NEGR1: variants seen among roughly 807,000 people sequenced by gnomAD.
The protein encoded by NEGR1 is neuronal growth regulator 1, also known as IgLON family member 4.
A neutral mutation model predicts 40.9 loss-of-function variants in NEGR1; 10 were observed. The ratio of observed to expected loss-of-function variants is 0.24; its 90% CI spans 0.15 to 0.42. NEGR1 has a LOEUF of 0.42. Among genes scored for constraint, NEGR1 ranks in the 10% least tolerant of loss-of-function variants. NEGR1 has a pLI of 1.00. For missense variants in NEGR1, 352 were observed against 438.9 expected, an observed-to-expected ratio of 0.80 and a Z score of 1.77; for synonymous variants, 185 against 166.8, an observed-to-expected ratio of 1.11 and a Z score of -0.84.
intron 1 of NEGR1, among the ~76,000 whole-genome samples, chr1:72,233,713 A>C (rs1161308586): frequency 1.3e-5 from 2 of 152,064 alleles, no homozygotes; most frequent in African/African-American, 2.4e-5. Context: ...ACCTAGGTTG[A>C]TTTTGTGTCT....
intron 3 of NEGR1, among the ~76,000 whole-genome samples, chr1:71,759,210 T>G (rs72946011): frequency 1.3e-5 from 2 of 151,628 alleles, no homozygotes; most frequent in African/African-American, 4.8e-5. Context: ...GGAATTTCCA[T>G]CTGTAGAATC....
intron 1 of NEGR1, among the ~76,000 whole-genome samples, chr1:72,167,795 A>G (rs182750867): frequency 4.3e-4 from 66 of 152,082 alleles, no homozygotes; most frequent in Non-Finnish European, 1.9e-4. Flanking sequence ...CTTCTGTAAA[A>G]TGTTAAGGAT....
At chr1:71,752,611 T>C (rs1250155734) in intron 3 of NEGR1, among the ~76,000 whole-genome samples, 3 of 152,160 alleles carry the variant, frequency 2.0e-5, no homozygotes, top group Non-Finnish European at 2.9e-5. Flanking sequence ...TGAGAGCAGA[T>C]GGCAAAATTT....
chr1:71,809,980 G>A (rs897604048), intron 2 of NEGR1, among the ~76,000 whole-genome samples: 2 of 152,124 alleles, frequency 1.3e-5, no homozygotes, highest in African/African-American at 4.8e-5. Context: ...TCTCTTAAAA[G>A]ATTTTCAAAA....
At chr1:71,944,531 C>A (rs888824240) in intron 1 of NEGR1, among the ~76,000 whole-genome samples, 5 of 152,084 alleles carry the variant, frequency 3.3e-5, no homozygotes, top group East Asian at 1.9e-4. Context: ...TAAAAGTATT[C>A]TATTTGCATA....
intron 6 of NEGR1, among the ~76,000 whole-genome samples, chr1:71,483,652 C>T (rs1282839521): frequency 1.3e-5 from 2 of 151,620 alleles, no homozygotes; most frequent in African/African-American, 4.8e-5. Context: ...GCCAGGTGTG[C>T]CCTAATGAGA....
In NEGR1 at chr1:71,840,010, A is replaced by G. The variant is rs914806429; in HGVS notation, c.410-63713T>C. ...AGCTGCAGGTGACGATGTAAAATAG[A>G]TACCAAACAATAATGTAATAAGGCT... On this transcript the variant is annotated intron_variant, in intron 2 of 6. Coordinates refer to ENST00000357731, the MANE Select transcript of NEGR1 (RefSeq NM_173808.3). Among the ~76,000 whole-genome samples, 112 of 152,172 alleles carry G rather than the reference A, an allele frequency of 7.4e-4. 1 individual carries two copies. Among genetic ancestry groups the G allele is most frequent in the African/African-American group, 2.7e-3 (111 of 41,452 alleles).
At chr1:71,810,744 C>T (rs1657972149) in intron 2 of NEGR1, among the ~76,000 whole-genome samples, 1 of 151,992 alleles carries the variant, frequency 6.6e-6, no homozygotes, top group African/African-American at 2.4e-5. Flanking sequence ...GCTCCTCTCC[C>T]TTCTCTCTCT....
At chr1:71,726,600 C>A (rs1430139583) in intron 3 of NEGR1, among the ~76,000 whole-genome samples, 1 of 151,948 alleles carries the variant, frequency 6.6e-6, no homozygotes, top group East Asian at 1.9e-4. Context: ...AAGATAGATC[C>A]CACATCACCA....
chr1:71,553,468 A>G (rs1648151715), intron 6 of NEGR1, among the ~76,000 whole-genome samples: 1 of 151,528 alleles, frequency 6.6e-6, no homozygotes, highest in Non-Finnish European at 1.5e-5. Context: ...TTTCATTTTA[A>G]TGAACACTCT....
chr1:71,854,972 G>A (rs1659716893), intron 2 of NEGR1, among the ~76,000 whole-genome samples: 1 of 152,018 alleles, frequency 6.6e-6, no homozygotes, highest in East Asian at 1.9e-4. Context: ...CAAGACTCAA[G>A]CAATTGTGGG....
At chr1:72,150,086 T>C (rs903145132) in intron 1 of NEGR1, among the ~76,000 whole-genome samples, 1 of 152,124 alleles carries the variant, frequency 6.6e-6, no homozygotes, top group Non-Finnish European at 1.5e-5. Flanking sequence ...ATTTGCCTAG[T>C]AGCAATTCAT....
intron 2 of NEGR1, among the ~76,000 whole-genome samples, chr1:71,795,199 T>C (rs1422486378): frequency 6.6e-6 from 1 of 151,972 alleles, no homozygotes; most frequent in Non-Finnish European, 1.5e-5. Context: ...ATTTCATTTC[T>C]AAGTATTTGA....
intron 2 of NEGR1, among the ~76,000 whole-genome samples, chr1:71,926,170 G>A (rs1293658676): frequency 6.6e-6 from 1 of 152,008 alleles, no homozygotes; most frequent in African/African-American, 2.4e-5. Context: ...TGCTGAAAGG[G>A]ATAATTACTT....
intron 1 of NEGR1, among the ~76,000 whole-genome samples, chr1:72,071,862 G>A (rs772013267): frequency 7.2e-5 from 11 of 152,036 alleles, no homozygotes; most frequent in Non-Finnish European, 1.6e-4. Flanking sequence ...CTCTCCCCCA[G>A]TATTCCTCTG....
intron 6 of NEGR1, chr1:71,477,347 T>C (rs1646827952): frequency 6.6e-6 from 1 of 152,118 alleles, no homozygotes; most frequent in Non-Finnish European, 1.5e-5. Context: ...GATAACTATG[T>C]ATGAAAAGCT....
intron 1 of NEGR1, among the ~76,000 whole-genome samples, chr1:72,279,295 T>G (rs1214274783): frequency 2.0e-5 from 3 of 152,154 alleles, no homozygotes; most frequent in African/African-American, 7.2e-5. Flanking sequence ...ATTCTGGCAC[T>G]TAGGAGACAG....
intron 3 of NEGR1, among the ~76,000 whole-genome samples, chr1:71,747,427 CTT>C (rs56846032): frequency 9.2e-5 from 13 of 141,730 alleles, no homozygotes; most frequent in African/African-American, 1.3e-4. Flanking sequence ...CTTCTTACAT[CTT>C]TTTTTTTTTT....
chr1:71,983,700 G>C (rs1646372264), intron 1 of NEGR1, among the ~76,000 whole-genome samples: 1 of 152,134 alleles, frequency 6.6e-6, no homozygotes, highest in Admixed American at 6.6e-5. Flanking sequence ...ACAAATGTCT[G>C]TGAGTCTCAC....
Sources: allele counts gnomAD v4.1 joint callset (sites outside exome capture counted in the v4.1 genomes callset), GRCh38; gene constraint gnomAD v4.1.1; transcripts MANE v1.5; gene names NCBI Gene and HGNC (gene_info 2026-07-23, HGNC 2026-07-21).